Variants in TRIO observed in about 807,000 individuals in gnomAD.
TRIO encodes triple functional domain protein.
A neutral mutation model predicts 351.9 loss-of-function variants in TRIO; 58 were observed. The ratio of observed to expected loss-of-function variants is 0.16; its 90% CI spans 0.13 to 0.21. The LOEUF (loss-of-function observed/expected upper bound fraction) is 0.21, where lower values mean the gene tolerates loss of function less well. TRIO is among the 10% of genes least tolerant of loss of function. TRIO has a pLI of 1.00. For synonymous variants in TRIO, 1,758 were observed against 1,595.7 expected (o/e 1.10, Z -2.42); for missense variants, 3,201 against 4,027.8 (o/e 0.79, Z 5.56).
intron 28 of TRIO, among the ~76,000 whole-genome samples, chr5:14,394,425 G>A (rs1447217068): frequency 3.3e-5 from 5 of 152,058 alleles, no homozygotes; most frequent in Admixed American, 1.3e-4. Flanking sequence ...TGCTGACTGC[G>A]GGCCAGGCAT....
chr5:14,298,901 C>T (rs1292403242), intron 7 of TRIO, among the ~76,000 whole-genome samples: 1 of 152,220 alleles, frequency 6.6e-6, no homozygotes, highest in African/African-American at 2.4e-5. Flanking sequence ...ATCTTCATGA[C>T]CCTGTAGCCA....
rs1219411556 is a variant in TRIO at position 14,504,482 on chromosome 5, G to A, written c.8501G>A (p.Arg2834His). ...TKFVNKKLMKRDQVTHELGIL... is the reference protein window; with the variant it reads ...TKFVNKKLMKHDQVTHELGIL... ...TTTGTGAACAAGAAGTTGATGAAGC[G>A]CGACCAGGTCACCCATGAGCTTGGC... Residue 2834 changes from arginine (R) to histidine (H), a missense_variant, in exon 55 of 57, where the codon CGC becomes CAC. Transcript: ENST00000344204. 4.3e-6 allele frequency: 7 copies of A among 1,613,938 alleles called. No individual in the cohort carries two copies. The highest frequency in any genetic ancestry group is 2.2e-5 in the East Asian group (1 of 44,884).
chr5:14,462,636 C>CTT (rs1753915158), intron 35 of TRIO, 119 bp from the exon 36 acceptor site: 2 of 1,385,246 alleles, frequency 1.4e-6, no homozygotes, highest in East Asian at 4.7e-5. Context: ...TCGAGAATAG[C>CTT]TTTGTTCCTG....
At position 14,143,756 on chromosome 5, in the gene TRIO, C is replaced by T; in HGVS notation, c.31C>T (p.Pro11Ser). The T allele has an allele frequency of 1.0e-6, 1 of 990,854 alleles. No homozygotes were observed. The highest frequency in any genetic ancestry group is 1.2e-6 in the Non-Finnish European group (1 of 835,124). The allele number at this position is 990,854 out of a possible 1,614,324, so 61.4% of individuals were successfully genotyped here. A position where few individuals can be genotyped will look rare whatever the true frequency, so the allele number is the denominator to read the frequency against. The change falls in exon 1 of 57, where the codon CCC (proline) becomes TCC (serine). Residue 11 changes from proline (P) to serine (S), a missense_variant. Coordinates refer to ENST00000344204, the MANE Select transcript of TRIO (RefSeq NM_007118.4). ...CGGCAGCAGCGGCGGAGCCGCCGCCCCCGCCGCGTCCTCCGGCCCCGCCGC... is the reference window on the plus strand; with the variant it reads ...CGGCAGCAGCGGCGGAGCCGCCGCCTCCGCCGCGTCCTCCGGCCCCGCCGC... MSGSSGGAAA[P>S]AASSGPAAAA... is the part of the protein sequence containing the mutation.
intron 46 of TRIO, among the ~76,000 whole-genome samples, chr5:14,484,234 CAT>C (rs1270478461): frequency 1.3e-5 from 2 of 152,158 alleles, no homozygotes; most frequent in Non-Finnish European, 1.5e-5. Flanking sequence ...AATTATTTGA[CAT>C]ATTTTAATCA....
At chr5:14,435,154 A>C (rs1221494187) in intron 34 of TRIO, among the ~76,000 whole-genome samples, 1 of 152,112 alleles carries the variant, frequency 6.6e-6, no homozygotes, top group Non-Finnish European at 1.5e-5. Flanking sequence ...GGCCACGAAA[A>C]TTTAGGCTTG....
chr5:14,465,511 C>A, intron 36 of TRIO, 34 bp from the exon 37 acceptor site: 2 of 1,551,494 alleles, frequency 1.3e-6, no homozygotes, highest in East Asian at 2.2e-5. Context: ...TGAGCCCTTG[C>A]CCCACCCCCT....
intron 53 of TRIO, among the ~76,000 whole-genome samples, chr5:14,499,361 G>A (rs115885098): frequency 0.012 from 1,776 of 152,346 alleles, 37 homozygotes; most frequent in African/African-American, 0.041. Context: ...GTTGCCTGAT[G>A]TAGATAGCTG....
rs145684552 is a variant in TRIO, at chr5:14,504,549, C to G, written c.8568C>G (p.Leu2856=). Residue 2856 remains leucine, a synonymous_variant, in exon 55 of 57, where the codon CTC becomes CTG. Coordinates refer to ENST00000344204, the MANE Select transcript of TRIO (RefSeq NM_007118.4). ...AGCACCCCCTGCTTGTCGGCCTCCT[C>G]GACACCTTTGAGACCCCCACCAGCT... ...SLQHPLLVGL[L]DTFETPTSYI... 6.2e-7 allele frequency: 1 copy of G among 1,614,120 alleles called. No homozygotes were observed. The highest frequency in any genetic ancestry group is 2.2e-5 in the East Asian group (1 of 44,866).
intron 1 of TRIO, among the ~76,000 whole-genome samples, chr5:14,172,669 G>A (rs560638820): frequency 1.3e-5 from 2 of 152,346 alleles, no homozygotes; most frequent in African/African-American, 4.8e-5. Context: ...AGCCTTCGTG[G>A]CATCACTGAG....
chr5:14,506,941 C>T (rs1052430417), intron 55 of TRIO, among the ~76,000 whole-genome samples, 181 bp from the exon 56 acceptor site: 1 of 152,258 alleles, frequency 6.6e-6, no homozygotes, highest in African/African-American at 2.4e-5. Flanking sequence ...CCACTCGCAT[C>T]TTCCCAACAG....
At chr5:14,234,383 T>C (rs1212614159) in intron 1 of TRIO, among the ~76,000 whole-genome samples, 1 of 152,120 alleles carries the variant, frequency 6.6e-6, no homozygotes, top group African/African-American at 2.4e-5. Flanking sequence ...AATCTGTGGG[T>C]GGGGTGGTAG....
chr5:14,455,508 G>A (rs1481272673), intron 34 of TRIO, among the ~76,000 whole-genome samples: 1 of 151,616 alleles, frequency 6.6e-6, no homozygotes, highest in African/African-American at 2.4e-5. Context: ...GCTAGACACA[G>A]AGTGGATTGG....
chr5:14,490,077 G>C (rs1268923731), intron 48 of TRIO, among the ~76,000 whole-genome samples: 2 of 152,196 alleles, frequency 1.3e-5, no homozygotes, highest in African/African-American at 2.4e-5. Context: ...AGGAGTTCGA[G>C]GCCAGCATGG....
At chr5:14,456,258 C>T (rs1753295655) in intron 34 of TRIO, among the ~76,000 whole-genome samples, 1 of 152,252 alleles carries the variant, frequency 6.6e-6, no homozygotes, top group African/African-American at 2.4e-5. Context: ...GCACCTCTCC[C>T]ACCACACCTC....
intron 8 of TRIO, among the ~76,000 whole-genome samples, chr5:14,306,930 A>T (rs1294157413): frequency 6.6e-6 from 1 of 152,226 alleles, no homozygotes; most frequent in Non-Finnish European, 1.5e-5. Context: ...ATAATTTGAT[A>T]GGAAGTTAAA....
chr5:14,213,207 T>C (rs1792017897), intron 1 of TRIO, among the ~76,000 whole-genome samples: 1 of 152,146 alleles, frequency 6.6e-6, no homozygotes, highest in African/African-American at 2.4e-5. Context: ...GTACAATTTT[T>C]TTCCTGCTTC....
chr5:14,411,568 A>G (rs541726242), intron 33 of TRIO, among the ~76,000 whole-genome samples: 3 of 150,756 alleles, frequency 2.0e-5, no homozygotes, highest in African/African-American at 7.5e-5. Context: ...ACATGAATAT[A>G]TGGATTCACA....
intron 34 of TRIO, among the ~76,000 whole-genome samples, chr5:14,442,507 A>C (rs1301016577): frequency 1.3e-5 from 2 of 152,194 alleles, no homozygotes; most frequent in Non-Finnish European, 1.5e-5. Context: ...TGGCTGCGTG[A>C]ATGTTGCATG....
Sources: allele counts gnomAD v4.1 joint callset (sites outside exome capture counted in the v4.1 genomes callset), GRCh38; gene constraint gnomAD v4.1.1; transcripts MANE v1.5; gene names NCBI Gene and HGNC (gene_info 2026-07-23, HGNC 2026-07-21).